The following GLI3 variants were observed in gnomAD, a reference collection of about 807,000 sequenced individuals.
The protein encoded by GLI3 is transcription activator GLI3.
A neutral mutation model predicts 100.8 loss-of-function variants in GLI3; 20 were observed. That is an observed-to-expected ratio of 0.20 (90% CI 0.14 to 0.29). GLI3 has a LOEUF of 0.29. Ranked by LOEUF, GLI3 falls within the 10% of genes least tolerant of loss-of-function variation. The pLI is 1.00. For missense variants in GLI3, 2,040 were observed against 2,128.5 expected (o/e 0.96, Z 0.82); for synonymous variants, 938 against 860.5 (o/e 1.09, Z -1.58).
intron 11 of GLI3, 34 bp from the exon 12 acceptor site, chr7:41,977,756 A>C (rs772686109): frequency 1.3e-6 from 2 of 1,591,496 alleles, no homozygotes; most frequent in Admixed American, 1.7e-5. Context: ...ATTACTCTGC[A>C]CAATGGCAAC....
At chr7:42,162,376 T>C (rs866742410) in intron 2 of GLI3, among the ~76,000 whole-genome samples, 63 of 152,254 alleles carry the variant, frequency 4.1e-4, no homozygotes, top group African/African-American at 1.5e-3. Context: ...CACCTTTGGT[T>C]TAAGTTGAGA....
intron 10 of GLI3, among the ~76,000 whole-genome samples, chr7:41,983,303 C>T (rs1412312998): frequency 2.0e-5 from 3 of 152,098 alleles, no homozygotes; most frequent in Admixed American, 2.0e-4. Flanking sequence ...AATCAGGATC[C>T]TGCGCTATAA....
chr7:42,139,934 T>A (rs919759354), intron 3 of GLI3, among the ~76,000 whole-genome samples: 5 of 152,176 alleles, frequency 3.3e-5, no homozygotes, highest in African/African-American at 9.7e-5. Flanking sequence ...CACCCCAGAC[T>A]CTTGCAGGAG....
At chr7:42,161,283 C>T (rs926699055) in intron 2 of GLI3, among the ~76,000 whole-genome samples, 4 of 152,098 alleles carry the variant, frequency 2.6e-5, no homozygotes, top group Admixed American at 6.5e-5. Context: ...TTTCAAGGTC[C>T]ATAAATAATG....
At chr7:42,181,306 T>C (rs1019909529) in intron 2 of GLI3, among the ~76,000 whole-genome samples, 6 of 152,192 alleles carry the variant, frequency 3.9e-5, no homozygotes, top group African/African-American at 1.4e-4. Flanking sequence ...TTTCAGCCTA[T>C]GCAGAATTTC....
intron 2 of GLI3, among the ~76,000 whole-genome samples, chr7:42,150,919 G>A (rs1409444931): frequency 1.3e-5 from 2 of 152,100 alleles, no homozygotes; most frequent in East Asian, 1.9e-4. Flanking sequence ...TAATCGGGGC[G>A]GCGGAGTGGG....
chr7:42,036,650 T>G (rs560658349), intron 7 of GLI3, among the ~76,000 whole-genome samples: 1 of 152,330 alleles, frequency 6.6e-6, no homozygotes, highest in East Asian at 1.9e-4. Flanking sequence ...TTTAATGACA[T>G]GTTTAGAAAT....
In GLI3 at chr7:41,979,851, G is replaced by A. The variant is rs542077657; in HGVS notation, c.1498-1103C>T. Among the ~76,000 whole-genome samples the A allele has an allele frequency of 1.0e-3, 159 of 152,252 alleles. 1 individual carries two copies. Among genetic ancestry groups the A allele is most frequent in the African/African-American group, 3.5e-3 (145 of 41,536 alleles). On this transcript the variant is annotated intron_variant, in intron 10 of 14. Transcript: ENST00000395925. ...CTTTGGCTCCATGCCTCGTGTGGTA[G>A]TGACACAACCTCTCATTACTTTCCT...
At chr7:42,120,562 C>T (rs141637373) in intron 3 of GLI3, among the ~76,000 whole-genome samples, 709 of 152,278 alleles carry the variant, frequency 4.7e-3, no homozygotes, top group Admixed American at 7.0e-3. Context: ...TAAAATGCAT[C>T]GGCGAGGTAC....
chr7:42,129,620 C>T (rs948388914), intron 3 of GLI3, among the ~76,000 whole-genome samples: 1 of 152,028 alleles, frequency 6.6e-6, no homozygotes, highest in Non-Finnish European at 1.5e-5. Context: ...ACCAGCCTGG[C>T]CAAGATGGTG....
chr7:42,218,828 C>G (rs557863841), intron 2 of GLI3, among the ~76,000 whole-genome samples: 3 of 152,114 alleles, frequency 2.0e-5, no homozygotes, highest in Non-Finnish European at 4.4e-5. Context: ...AGCCTACATA[C>G]GTTTATCATT....
intron 7 of GLI3, among the ~76,000 whole-genome samples, chr7:42,036,450 T>C (rs957183510): frequency 2.6e-5 from 4 of 152,224 alleles, no homozygotes; most frequent in Non-Finnish European, 5.9e-5. Flanking sequence ...TACACAGTGA[T>C]TGGCTTTTTG....
At chr7:42,148,894 G>A (rs1045635666) in intron 2 of GLI3, among the ~76,000 whole-genome samples, 3 of 152,178 alleles carry the variant, frequency 2.0e-5, no homozygotes, top group African/African-American at 7.2e-5. Flanking sequence ...GGGCCTCCGG[G>A]GTGACACAAA....
rs1280655354 is a variant in GLI3 at position 41,967,804 on chromosome 7, G to A, written c.2223C>T (p.Leu741=). 6.2e-7 allele frequency: 1 copy of A among 1,614,158 alleles called. No homozygotes were observed. The highest frequency in any genetic ancestry group is 1.1e-5 in the South Asian group (1 of 91,088). ...PLTDGGSIGD[L]SAIDETPIMD... ...TGATTGGGGTTTCATCGATGGCACT[G>A]AGGTCTCCTATACTACCTCCATCGG... Residue 741 remains leucine (L), a synonymous_variant, in exon 14 of 15, where the codon CTC becomes CTT. Coordinates refer to ENST00000395925, the MANE Select transcript of GLI3 (RefSeq NM_000168.6).
At chr7:42,062,084 T>C (rs1414677833) in intron 4 of GLI3, among the ~76,000 whole-genome samples, 1 of 152,184 alleles carries the variant, frequency 6.6e-6, no homozygotes, top group Non-Finnish European at 1.5e-5. Context: ...TTGGAAAACC[T>C]GTGCACAGGA....
chr7:42,034,590 T>G (rs771707952), intron 7 of GLI3, among the ~76,000 whole-genome samples: 1 of 152,064 alleles, frequency 6.6e-6, no homozygotes, highest in African/African-American at 2.4e-5. Flanking sequence ...CTGCTGACAG[T>G]TCCCCCAATG....
intron 2 of GLI3, among the ~76,000 whole-genome samples, chr7:42,212,527 C>T (rs1300933739): frequency 6.6e-6 from 1 of 152,134 alleles, no homozygotes; most frequent in Non-Finnish European, 1.5e-5. Context: ...TAAAATGTAA[C>T]CATGGTTCCA....
chr7:42,090,013 T>C (rs990789664), intron 3 of GLI3, among the ~76,000 whole-genome samples: 1 of 152,202 alleles, frequency 6.6e-6, no homozygotes, highest in Non-Finnish European at 1.5e-5. Context: ...TCGTAGGCTA[T>C]AACGGTACGG....
intron 2 of GLI3, among the ~76,000 whole-genome samples, chr7:42,210,193 G>T (rs1025850582): frequency 6.6e-6 from 1 of 152,050 alleles, no homozygotes; most frequent in Non-Finnish European, 1.5e-5. Context: ...TGTCACTGTG[G>T]TCAATGGTAT....
Sources: gnomAD v4.1 joint callset for allele counts (sites outside exome capture counted in the v4.1 genomes callset) on GRCh38, gnomAD v4.1.1 for gene constraint, MANE v1.5 for transcripts, NCBI Gene and HGNC (gene_info 2026-07-23, HGNC 2026-07-21) for gene names.